The following PC variants were observed in gnomAD, a reference collection of about 807,000 sequenced individuals.
The protein encoded by PC is pyruvate carboxylase, mitochondrial.
A neutral mutation model predicts 107.8 loss-of-function variants in PC; 46 were observed. The ratio of observed to expected loss-of-function variants is 0.43; its 90% CI spans 0.34 to 0.55. PC has a LOEUF of 0.55. Among genes scored for constraint, PC ranks in the 20% least tolerant of loss-of-function variants. The probability of loss-of-function intolerance (pLI) is 0.04; values close to 1 mark genes in which losing one functional copy is unlikely to be tolerated. For missense variants in PC, 1,241 were observed against 1,643.1 expected (o/e 0.76, Z 4.23); for synonymous variants, 662 against 684.7 (o/e 0.97, Z 0.52).
Position 66,850,018 on chromosome 11 carries a change from G to A in PC, c.2817C>T (p.Ser939=), listed in dbSNP as rs368196140. ...AEAEAQAEEL[S]FPRSVVEFLQ... ...GGAACTCCACCACGGAGCGGGGAAA[G>A]GACAGCTCTTCCGCCTGAGCTTCGG... Residue 939 remains serine (S), a synonymous_variant, in exon 20 of 23, where the codon TCC becomes TCT. Transcript: ENST00000393960. The A allele has an allele frequency of 1.9e-6, 3 of 1,613,700 alleles. No individual in the cohort carries two copies. Among genetic ancestry groups the A allele is most frequent in the Non-Finnish European group, 1.7e-6 (2 of 1,180,034 alleles).
Position 66,851,290 on chromosome 11 carries a change from T to G in PC, c.1983-10A>C. The G allele has an allele frequency of 6.3e-7, 1 of 1,599,816 alleles. No homozygotes were observed. The highest frequency in any genetic ancestry group is 2.2e-5 in the East Asian group (1 of 44,882). On this transcript the variant is annotated splice_polypyrimidine_tract_variant and intron_variant, in intron 16 of 22. Transcript: ENST00000393960. ...GGCCACTTCACAGAACCTGCAAGGG[T>G]GAGAGAGCCCAGGGCTGAGCCCCAC...
chr11:66,908,447 A>G (rs530996867), intron 3 of PC, among the ~76,000 whole-genome samples: 1 of 152,278 alleles, frequency 6.6e-6, no homozygotes, highest in African/African-American at 2.4e-5. Context: ...AGATGTTCAC[A>G]TGCTTGAACA....
At chr11:66,849,529 G>A in intron 21 of PC, 82 bp downstream of exon 21, 1 of 1,611,054 alleles carries the variant, frequency 6.2e-7, no homozygotes, top group East Asian at 2.2e-5. Context: ...AGCTTGCGAG[G>A]CTGGGTGACA....
chr11:66,874,464 TACTC>T (rs1386091357), intron 3 of PC, among the ~76,000 whole-genome samples: 1 of 152,032 alleles, frequency 6.6e-6, no homozygotes, highest in Non-Finnish European at 1.5e-5. Context: ...CATAAAAACA[TACTC>T]AAGAAATGAA....
At chr11:66,873,470 T>A (rs1319574236) in intron 3 of PC, among the ~76,000 whole-genome samples, 1 of 76,850 alleles carries the variant, frequency 1.3e-5, no homozygotes, top group African/African-American at 5.2e-5. Context: ...ATATTATATA[T>A]AATATAATAT....
intron 12 of PC, among the ~76,000 whole-genome samples, chr11:66,862,227 A>G (rs187174347): frequency 1.3e-5 from 2 of 152,144 alleles, no homozygotes; most frequent in East Asian, 3.9e-4. Flanking sequence ...CACGACAGGG[A>G]CCCCCAACAG....
chr11:66,902,143 T>C (rs1192865916), intron 3 of PC, among the ~76,000 whole-genome samples: 1 of 152,206 alleles, frequency 6.6e-6, no homozygotes, highest in Non-Finnish European at 1.5e-5. Context: ...AGGCAGGACA[T>C]GGCCTTGACT....
rs1447727794 is a variant in PC, at chr11:66,871,239, G to A, written c.488-42C>T. ...GTGGGGGAGTCTCTGTAACAGGCGG[G>A]AATCCCTGCCACCCCTCCCTGCTGG... On this transcript the variant is annotated intron_variant, in intron 6 of 22. Transcript: ENST00000393960. The surrounding 1 kb of genome is among the most constrained non-coding windows in gnomAD (Gnocchi z 7.4). The A allele has an allele frequency of 1.9e-6, 3 of 1,613,322 alleles. No individual in the cohort carries two copies. The highest frequency in any genetic ancestry group is 2.5e-6 in the Non-Finnish European group (3 of 1,179,602).
Position 66,849,719 on chromosome 11 carries a change from G to A in PC, c.3039C>T (p.Tyr1013=), listed in dbSNP as rs1487683285. The change falls in exon 21 of 23, where the codon TAC becomes TAT. Residue 1013 remains tyrosine, a synonymous_variant. Transcript: ENST00000393960. ...CCTTGAAGTGGGCAAACACATCGGGGTACATAGCTGCTGAGAGCACATCTT... is the reference window on the plus strand; with the variant it reads ...CCTTGAAGTGGGCAAACACATCGGGATACATAGCTGCTGAGAGCACATCTT... ...TPEDVLSAAM[Y]PDVFAHFKDF... The A allele has an allele frequency of 1.2e-5, 19 of 1,614,206 alleles. No individual in the cohort carries two copies. In the East Asian group the frequency reaches 4.2e-4, roughly 36 times the overall value.
In PC at chr11:66,944,996, C is replaced by T. The variant is rs531093649; in HGVS notation, c.-1+7434G>A. Among the ~76,000 whole-genome samples the T allele has an allele frequency of 2.5e-5, 3 of 118,022 alleles. 1 individual carries two copies. Among genetic ancestry groups the T allele is most frequent in the African/African-American group, 9.1e-5 (3 of 32,966 alleles). The allele number at this position is 118,022 out of a possible 152,430, so 77.4% of individuals were successfully genotyped here. A position where few individuals can be genotyped will look rare whatever the true frequency, so the allele number is the denominator to read the frequency against. On this transcript the variant is annotated intron_variant, in intron 3 of 22. Coordinates refer to ENST00000393960, the MANE Select transcript of PC (RefSeq NM_001040716.2). ...AACAAGAATTTGATGGCAATGGGCT[C>T]TCCAAAGATTGGTAGCTCTCCACCG...
At chr11:66,860,122 A>C in intron 12 of PC, 8 of 1,550,736 alleles carry the variant, frequency 5.2e-6, no homozygotes, top group Non-Finnish European at 7.0e-6. Flanking sequence ...CACTCTGTGC[A>C]TGGGGGGCTG....
chr11:66,850,453 C>T lies in PC; in HGVS notation c.2485G>A (p.Glu829Lys), dbSNP rs766573593. 6.2e-7 allele frequency: 1 copy of T among 1,613,918 alleles called. No individual in the cohort carries two copies. The highest frequency in any genetic ancestry group is 8.5e-7 in the Non-Finnish European group (1 of 1,180,026). ...TACTCACTGTAGTCAAACACGCGCTCCATGGGCACCTCTGCAGGGAGGCCA... is the reference window on the plus strand; with the variant it reads ...TACTCACTGTAGTCAAACACGCGCTTCATGGGCACCTCTGCAGGGAGGCCA... ...GTPLDTEVPM[E>K]RVFDYSEYWE... The change falls in exon 19 of 23, where the codon GAG (glutamate) becomes AAG (lysine). Residue 829 changes from glutamate (E) to lysine (K), a missense_variant. Glu to Lys is a moderately conservative substitution (Grantham distance 56). Transcript: ENST00000393960.
chr11:66,900,057 G>C, intron 3 of PC, among the ~76,000 whole-genome samples: 1 of 152,044 alleles, frequency 6.6e-6, no homozygotes, highest in Non-Finnish European at 1.5e-5. Context: ...CTGTTAATGT[G>C]AGGGTTTATT....
intron 3 of PC, among the ~76,000 whole-genome samples, chr11:66,933,758 C>T (rs1473902846): frequency 6.6e-6 from 1 of 152,076 alleles, no homozygotes; most frequent in Non-Finnish European, 1.5e-5. Flanking sequence ...CCCTGCTGAG[C>T]TAGTCCCCAC....
intron 3 of PC, among the ~76,000 whole-genome samples, chr11:66,890,249 C>T (rs1947519162): frequency 6.6e-6 from 1 of 152,202 alleles, no homozygotes; most frequent in African/African-American, 2.4e-5. Context: ...GCAGTGGGCC[C>T]TCACCAGACG....
Position 66,908,829 on chromosome 11 carries a change from T to A in PC, c.1-36670A>T, listed in dbSNP as rs148553810. On this transcript the variant is annotated intron_variant, in intron 3 of 22. Coordinates refer to ENST00000393960, the MANE Select transcript of PC (RefSeq NM_001040716.2). ...CCCCGATGTCCCCGAGAACACGCGT[T>A]AACTGAAAAGTCAGGGTGGAGGGAT... Among the ~76,000 whole-genome samples the A allele has an allele frequency of 4.2e-3, 636 of 152,116 alleles. 4 individuals are homozygous for A. The highest frequency in any genetic ancestry group is 0.014 in the African/African-American group (572 of 41,512).
rs1190339667 is a variant in PC at position 66,873,036 on chromosome 11, G to GA, written c.1-878dup. 7.2e-4 allele frequency among the ~76,000 whole-genome samples: 93 copies of GA among 130,006 alleles called. 3 individuals carry two copies. The South Asian group carries it at 8.4e-3, about 12-fold the overall frequency. The allele number at this position is 130,006 out of a possible 152,430, so 85.3% of individuals were successfully genotyped here. On this transcript the variant is annotated intron_variant, in intron 3 of 22. Coordinates refer to ENST00000393960, the MANE Select transcript of PC (RefSeq NM_001040716.2). Reference sequence around the variant, plus strand: ...GGGTGACATCAAGACTCTGTCCCAGGAAAAAAAAAAAGTATAATACTTCAG... The same window carrying GA: ...GGGTGACATCAAGACTCTGTCCCAGGAAAAAAAAAAAAGTATAATACTTCAG...
intron 3 of PC, among the ~76,000 whole-genome samples, chr11:66,899,521 C>A (rs1055676583): frequency 2.6e-5 from 4 of 152,154 alleles, no homozygotes; most frequent in African/African-American, 9.6e-5. Context: ...TCCCAAGTAG[C>A]TAGTTTTTTT....
At chr11:66,931,391 A>G (rs1448235653) in intron 3 of PC, among the ~76,000 whole-genome samples, 1 of 114,198 alleles carries the variant, frequency 8.8e-6, no homozygotes. Context: ...CAAGAAAAAA[A>G]AAAAAAAAAA....
Sources: allele counts gnomAD v4.1 joint callset (sites outside exome capture counted in the v4.1 genomes callset), GRCh38; gene constraint gnomAD v4.1.1; non-coding constraint Gnocchi (gnomAD v3.1); transcripts MANE v1.5; gene names NCBI Gene and HGNC (gene_info 2026-07-23, HGNC 2026-07-21).